The following BMX variants were observed in gnomAD, a reference collection of about 807,000 sequenced individuals.
BMX encodes cytoplasmic tyrosine-protein kinase BMX.
In BMX, 31 loss-of-function variants were observed where a neutral mutation model predicts 59.2. The observed-to-expected ratio is 0.52, with a 90% CI of 0.39 to 0.71. BMX has a LOEUF of 0.71. Among genes scored for constraint, BMX ranks in the 30% least tolerant of loss-of-function variants. The probability of loss-of-function intolerance (pLI) is 0.00; values close to 1 mark genes in which losing one functional copy is unlikely to be tolerated. For synonymous variants in BMX, 185 were observed against 181.0 expected, an observed-to-expected ratio of 1.02 and a Z score of -0.18; for missense variants, 474 against 491.7, an observed-to-expected ratio of 0.96 and a Z score of 0.34.
chrX:15,544,462 C>T (rs1250821178), intron 16 of BMX, among the ~76,000 whole-genome samples: 1 of 111,415 alleles, frequency 9.0e-6, no homozygotes, highest in Non-Finnish European at 1.9e-5. Flanking sequence ...GCTCCCAGGT[C>T]AAGGGAACTG....
At chrX:15,541,917 T>C (rs1229679022) in intron 14 of BMX, 65 bp from the exon 15 acceptor site, 6 of 1,014,539 alleles carry the variant, frequency 5.9e-6, no homozygotes, top group African/African-American at 1.9e-5. Context: ...TGAGAGCAAC[T>C]CTTTTTCAGT....
At position 15,549,737 on chromosome X, in the gene BMX, T is replaced by C. The variant is rs1435293757; in HGVS notation, c.1796-103T>C. On this transcript the variant is annotated intron_variant, in intron 17 of 18. Coordinates refer to ENST00000348343, the MANE Select transcript of BMX (RefSeq NM_203281.3). Reference sequence around the variant, plus strand: ...CCCAGGGATCCCTCACTCTGACCCATAGCCTTCCTGACCTGTTGTGTGAAA... The same window carrying C: ...CCCAGGGATCCCTCACTCTGACCCACAGCCTTCCTGACCTGTTGTGTGAAA... 20 of 980,607 alleles carry C rather than the reference T, an allele frequency of 2.0e-5. No individual in the cohort carries two copies. In the Admixed American group the frequency reaches 5.5e-4, roughly 27 times the overall value. The allele number at this position is 980,607 out of a possible 1,213,427, so 80.8% of individuals were successfully genotyped here.
At chrX:15,513,724 G>A (rs1333527917) in intron 4 of BMX, among the ~76,000 whole-genome samples, 1 of 111,733 alleles carries the variant, frequency 8.9e-6, no homozygotes. Context: ...GAAAAAATGT[G>A]CTCTTCCTTC....
At chrX:15,525,757 T>G (rs1442275063) in intron 8 of BMX, among the ~76,000 whole-genome samples, 1 of 112,150 alleles carries the variant, frequency 8.9e-6, no homozygotes, top group Non-Finnish European at 1.9e-5. Flanking sequence ...GAGCCCACTC[T>G]TTGGAAAAAG....
intron 16 of BMX, among the ~76,000 whole-genome samples, chrX:15,544,973 T>G: frequency 8.9e-6 from 1 of 112,113 alleles, no homozygotes; most frequent in East Asian, 2.8e-4. Flanking sequence ...CCATAACTCC[T>G]GTTGTTCTAT....
chrX:15,546,162 TACAA>T (rs775428799), intron 16 of BMX, among the ~76,000 whole-genome samples: 1 of 112,599 alleles, frequency 8.9e-6, no homozygotes, highest in South Asian at 3.6e-4. Context: ...TTATCATTAT[TACAA>T]ACAAAGAGTT....
Position 15,556,316 on chromosome X carries a change from A to C in BMX, c.*169A>C. On this transcript the variant is annotated 3_prime_UTR_variant, in exon 19 of 19. Coordinates refer to ENST00000348343, the MANE Select transcript of BMX (RefSeq NM_203281.3). ...AGGCAGGAAACAAAAGATTCCCTTG[A>C]AATTTAGATCAAATTAGTAATTTTG... 2.3e-6 allele frequency: 1 copy of C among 430,508 alleles called. No homozygotes were observed. The highest frequency in any genetic ancestry group is 3.7e-6 in the Non-Finnish European group (1 of 271,541). 35.5% of individuals were successfully genotyped at this position (430,508 alleles called of 1,213,427 possible).
chrX:15,506,883 C>T (rs1380214509), intron 1 of BMX, among the ~76,000 whole-genome samples: 2 of 112,652 alleles, frequency 1.8e-5, no homozygotes, highest in East Asian at 2.8e-4. Context: ...GTAACCAAGA[C>T]TTTATTATAT....
chrX:15,511,172 A>G (rs1602326593), intron 3 of BMX, among the ~76,000 whole-genome samples: 1 of 112,338 alleles, frequency 8.9e-6, no homozygotes, highest in African/African-American at 3.2e-5. Context: ...TCCATAGTCC[A>G]GGGTGTCCCT....
chrX:15,538,606 G>C (rs1211450956), intron 14 of BMX, among the ~76,000 whole-genome samples: 1 of 111,709 alleles, frequency 9.0e-6, no homozygotes, highest in East Asian at 2.8e-4. Context: ...AAACCTATGA[G>C]GGTTGTACCA....
intron 6 of BMX, among the ~76,000 whole-genome samples, chrX:15,519,709 C>T (rs1924350272): frequency 8.9e-6 from 1 of 112,029 alleles, no homozygotes; most frequent in African/African-American, 3.2e-5. Context: ...ATAGCACTGG[C>T]ATCGGCATCT....
intron 1 of BMX, among the ~76,000 whole-genome samples, chrX:15,502,763 A>G (rs1387259332): frequency 1.8e-5 from 2 of 112,021 alleles, no homozygotes; most frequent in Non-Finnish European, 3.8e-5. Context: ...TCCTCAGTCA[A>G]ACTTTTTGTT....
At chrX:15,529,038 T>C (rs60768809) in intron 9 of BMX, among the ~76,000 whole-genome samples, 8,565 of 111,721 alleles carry the variant, frequency 0.077, 819 homozygotes, top group African/African-American at 0.26. Context: ...TTCAAACTTA[T>C]CAAGATCAAC....
chrX:15,521,637 CCT>C (rs1219302125), intron 6 of BMX, among the ~76,000 whole-genome samples: 2 of 111,231 alleles, frequency 1.8e-5, no homozygotes, highest in Non-Finnish European at 3.8e-5. Flanking sequence ...GGCTCCTTCC[CCT>C]GTCTGCAGAA....
At chrX:15,514,550 G>A (rs777742424) in intron 4 of BMX, among the ~76,000 whole-genome samples, 130 of 111,883 alleles carry the variant, frequency 1.2e-3, no homozygotes, top group Middle Eastern at 4.6e-3. Flanking sequence ...TGAACATAAG[G>A]TCAAGAGAGA....
intron 14 of BMX, among the ~76,000 whole-genome samples, chrX:15,540,752 T>C (rs958929771): frequency 1.8e-5 from 2 of 111,447 alleles, no homozygotes; most frequent in African/African-American, 3.3e-5. Flanking sequence ...ACTACACTAC[T>C]GCACTGTTTG....
chrX:15,502,337 A>C (rs1480620317), intron 1 of BMX, among the ~76,000 whole-genome samples: 1 of 111,832 alleles, frequency 8.9e-6, no homozygotes, highest in African/African-American at 3.3e-5. Context: ...CTCCTAAGGA[A>C]GTTGCCCAGA....
rs58905214 is a variant in BMX at position 15,550,665 on chromosome X, T to TACACAC, written c.1953+710_1953+715dup. ...GTGCCCTCACTGAACTCAAAGTCTT[T>TACACAC]ACACACACACACACACACACACACA... On this transcript the variant is annotated intron_variant, in intron 18 of 18. Coordinates refer to ENST00000348343, the MANE Select transcript of BMX (RefSeq NM_203281.3). Among the ~76,000 whole-genome samples the TACACAC allele has an allele frequency of 2.1e-3, 182 of 86,769 alleles. 1 individual carries two copies. Among genetic ancestry groups the TACACAC allele is most frequent in the Middle Eastern group, 5.7e-3 (1 of 174 alleles). The allele number at this position is 86,769 out of a possible 115,157, so 75.3% of individuals were successfully genotyped here. A position where few individuals can be genotyped will look rare whatever the true frequency, so the allele number is the denominator to read the frequency against.
At chrX:15,530,773 G>T (rs1461717289) in intron 10 of BMX, among the ~76,000 whole-genome samples, 6 of 112,093 alleles carry the variant, frequency 5.4e-5, no homozygotes, top group Non-Finnish European at 1.1e-4. Context: ...AAACTCTTTT[G>T]ATTTCTAAAA....
Sources: allele counts gnomAD v4.1 joint callset (sites outside exome capture counted in the v4.1 genomes callset), GRCh38; gene constraint gnomAD v4.1.1; transcripts MANE v1.5; gene names NCBI Gene and HGNC (gene_info 2026-07-23, HGNC 2026-07-21).